The following RABGAP1L variants were observed in gnomAD, a reference collection of about 807,000 sequenced individuals.
The protein encoded by RABGAP1L is rab GTPase-activating protein 1-like.
In RABGAP1L, 63 loss-of-function variants were observed where a neutral mutation model predicts 137.7. That is an observed-to-expected ratio of 0.46 (90% CI 0.37 to 0.56). The LOEUF (loss-of-function observed/expected upper bound fraction) is 0.56, where lower values mean the gene tolerates loss of function less well. Among genes scored for constraint, RABGAP1L ranks in the 20% least tolerant of loss-of-function variants. The probability of loss-of-function intolerance (pLI) is 0.00; values close to 1 mark genes in which losing one functional copy is unlikely to be tolerated. For missense variants in RABGAP1L, 1,095 were observed against 1,244.0 expected (o/e 0.88, Z 1.80); for synonymous variants, 431 against 433.7 (o/e 0.99, Z 0.08).
intron 11 of RABGAP1L, among the ~76,000 whole-genome samples, chr1:174,314,973 G>A (rs1033216596): frequency 6.6e-6 from 1 of 152,110 alleles, no homozygotes; most frequent in Non-Finnish European, 1.5e-5. Context: ...TGCAGCCATT[G>A]GATGAAATAT....
chr1:174,707,136 C>G (rs1680109330), intron 17 of RABGAP1L, among the ~76,000 whole-genome samples: 1 of 152,164 alleles, frequency 6.6e-6, no homozygotes, highest in Admixed American at 6.5e-5. Context: ...GCCAAACAGC[C>G]TTCCAAGGTA....
chr1:174,784,812 C>G (rs1004511968), intron 18 of RABGAP1L, among the ~76,000 whole-genome samples: 2 of 152,150 alleles, frequency 1.3e-5, no homozygotes, highest in African/African-American at 4.8e-5. Flanking sequence ...TCTACAAGCC[C>G]TTGCATGGTT....
intron 1 of RABGAP1L, among the ~76,000 whole-genome samples, chr1:174,192,587 G>A (rs1428471937): frequency 6.6e-6 from 1 of 152,102 alleles, no homozygotes; most frequent in African/African-American, 2.4e-5. Context: ...CTCCCAAAGT[G>A]CTGGGATTAC....
intron 19 of RABGAP1L, among the ~76,000 whole-genome samples, chr1:174,884,292 C>A (rs751261502): frequency 2.0e-5 from 3 of 152,140 alleles, no homozygotes; most frequent in African/African-American, 4.8e-5. Flanking sequence ...TAATTACTTC[C>A]TCCTTATCGG....
chr1:174,379,959 C>A, intron 12 of RABGAP1L, among the ~76,000 whole-genome samples: 1 of 53,976 alleles, frequency 1.9e-5, no homozygotes, highest in South Asian at 7.0e-4. Context: ...TGAAATACGT[C>A]CCATCAATAC....
chr1:174,605,067 G>C (rs1256957057), intron 13 of RABGAP1L, among the ~76,000 whole-genome samples: 1 of 152,128 alleles, frequency 6.6e-6, no homozygotes, highest in Non-Finnish European at 1.5e-5. Flanking sequence ...TTTGAGCCTG[G>C]GAGGCAGAGG....
intron 13 of RABGAP1L, among the ~76,000 whole-genome samples, chr1:174,465,274 A>G (rs1431098948): frequency 6.6e-6 from 1 of 152,130 alleles, no homozygotes; most frequent in African/African-American, 2.4e-5. Context: ...ATCTCAGCTC[A>G]CTGTGACCTC....
intron 13 of RABGAP1L, among the ~76,000 whole-genome samples, chr1:174,407,687 C>A (rs947042411): frequency 6.6e-6 from 1 of 151,978 alleles, no homozygotes; most frequent in Non-Finnish European, 1.5e-5. Flanking sequence ...AGTGGACATC[C>A]GCAGCTGCAG....
intron 13 of RABGAP1L, among the ~76,000 whole-genome samples, chr1:174,500,459 G>A (rs1661157695): frequency 6.6e-6 from 1 of 152,112 alleles, no homozygotes; most frequent in African/African-American, 2.4e-5. Context: ...TAAAGTGTGA[G>A]GCTCTGTTAG....
chr1:174,406,415 A>C, intron 13 of RABGAP1L, among the ~76,000 whole-genome samples: 1 of 152,278 alleles, frequency 6.6e-6, no homozygotes, highest in East Asian at 1.9e-4. Context: ...TCATTTTCAT[A>C]TTATGGAATT....
At chr1:174,211,228 G>A (rs1454525048) in intron 1 of RABGAP1L, among the ~76,000 whole-genome samples, 1 of 152,052 alleles carries the variant, frequency 6.6e-6, no homozygotes, top group African/African-American at 2.4e-5. Flanking sequence ...AACTACTCTT[G>A]TCCTAAGTAG....
intron 19 of RABGAP1L, among the ~76,000 whole-genome samples, chr1:174,858,075 G>A (rs1558156670): frequency 1.3e-5 from 2 of 152,136 alleles, no homozygotes; most frequent in Non-Finnish European, 1.5e-5. Flanking sequence ...AGGCTGGGAT[G>A]CAGTGGCACT....
At chr1:174,736,791 G>A (rs1682984136) in intron 17 of RABGAP1L, among the ~76,000 whole-genome samples, 1 of 152,220 alleles carries the variant, frequency 6.6e-6, no homozygotes, top group African/African-American at 2.4e-5. Context: ...AGCTGCCAAG[G>A]CTTATGGCTT....
At chr1:174,270,177 T>C (rs1057370580) in intron 7 of RABGAP1L, among the ~76,000 whole-genome samples, 6 of 150,702 alleles carry the variant, frequency 4.0e-5, no homozygotes, top group Admixed American at 6.6e-5. Context: ...TCTAAGGTCA[T>C]GCTGGTTGGT....
chr1:174,701,245 T>C (rs901851556), intron 16 of RABGAP1L: 1 of 1,252,410 alleles, frequency 8.0e-7, no homozygotes, highest in African/African-American at 1.6e-5. Flanking sequence ...CATAAAGGCA[T>C]TTTTAGAAGA....
At chr1:174,551,653 C>T (rs1033453104) in intron 13 of RABGAP1L, among the ~76,000 whole-genome samples, 4 of 150,922 alleles carry the variant, frequency 2.7e-5, no homozygotes, top group Non-Finnish European at 4.4e-5. Context: ...AAAATAAACC[C>T]GAAGTAAGCA....
chr1:174,261,961 A>C (rs536186307), intron 7 of RABGAP1L, among the ~76,000 whole-genome samples: 1 of 152,350 alleles, frequency 6.6e-6, no homozygotes, highest in East Asian at 1.9e-4. Context: ...GGGATGACCC[A>C]TATTCTGCAT....
At chr1:174,264,253 T>C (rs1174075813) in intron 7 of RABGAP1L, among the ~76,000 whole-genome samples, 1 of 152,132 alleles carries the variant, frequency 6.6e-6, no homozygotes, top group Non-Finnish European at 1.5e-5. Flanking sequence ...AGGTGAATTA[T>C]TTCATTATTC....
chr1:174,219,030 A>AT, intron 1 of RABGAP1L, 95 bp from the exon 2 acceptor site: 2 of 1,003,472 alleles, frequency 2.0e-6, no homozygotes, highest in South Asian at 3.3e-5. Context: ...TCTTCTTCAC[A>AT]TAAACCATTT....
Sources: gnomAD v4.1 joint callset for allele counts (sites outside exome capture counted in the v4.1 genomes callset) on GRCh38, gnomAD v4.1.1 for gene constraint, MANE v1.5 for transcripts, NCBI Gene and HGNC (gene_info 2026-07-23, HGNC 2026-07-21) for gene names.